The following DLGAP2 variants were observed in gnomAD, a reference collection of about 807,000 sequenced individuals.
The protein encoded by DLGAP2 is disks large-associated protein 2.
Under a neutral mutation model 100.3 loss-of-function variants are expected in DLGAP2, and 26 were observed. The ratio of observed to expected loss-of-function variants is 0.26; its 90% CI spans 0.19 to 0.36. DLGAP2 has a LOEUF of 0.36. Among genes scored for constraint, DLGAP2 ranks in the 10% least tolerant of loss-of-function variants. DLGAP2 has a pLI of 1.00. For missense variants in DLGAP2, 1,858 were observed against 1,453.2 expected (o/e 1.28, Z -4.53); for synonymous variants, 886 against 630.1 (o/e 1.41, Z -6.08).
Position 1,326,254 on chromosome 8 carries a change from G to C in DLGAP2, c.106+67371G>C, listed in dbSNP as rs78774396. ...ATAAAAATAAAAGGGCATTTAACTTGTATGCAGAATCAGTGAAATTAGACA... is the reference window on the plus strand; with the variant it reads ...ATAAAAATAAAAGGGCATTTAACTTCTATGCAGAATCAGTGAAATTAGACA... On this transcript the variant is annotated intron_variant, in intron 3 of 14. Transcript: ENST00000637795. 6.8e-3 allele frequency among the ~76,000 whole-genome samples: 1,028 copies of C among 152,288 alleles called. 6 individuals carry two copies. The highest frequency in any genetic ancestry group is 0.011 in the Non-Finnish European group (735 of 68,018).
At chr8:1,427,872 C>G (rs1410637925) in intron 3 of DLGAP2, among the ~76,000 whole-genome samples, 1 of 152,160 alleles carries the variant, frequency 6.6e-6, no homozygotes, top group Non-Finnish European at 1.5e-5. Context: ...TTGACCAATA[C>G]AGTACTCTTC....
chr8:887,102 G>T (rs1356162045), intron 1 of DLGAP2, among the ~76,000 whole-genome samples: 1 of 152,082 alleles, frequency 6.6e-6, no homozygotes, highest in African/African-American at 2.4e-5. Flanking sequence ...TTGTCGAATT[G>T]ATCCCTTTAC....
chr8:1,620,307 C>T (rs1797290087), intron 6 of DLGAP2: 2 of 152,206 alleles, frequency 1.3e-5, no homozygotes, highest in Admixed American at 1.3e-4. Context: ...CTCGGGTGCC[C>T]AGGAGCGTCC....
intron 1 of DLGAP2, among the ~76,000 whole-genome samples, chr8:902,033 A>C (rs1052454876): frequency 2.0e-5 from 3 of 152,164 alleles, no homozygotes; most frequent in African/African-American, 7.2e-5. Context: ...GGGGGGTTCC[A>C]AGCCATGGTC....
chr8:1,676,385 T>G, intron 10 of DLGAP2, 148 bp from the exon 11 acceptor site: 1 of 739,760 alleles, frequency 1.4e-6, no homozygotes, highest in South Asian at 1.7e-5. Flanking sequence ...TGCATTTCCC[T>G]CTCTGCGGTT....
chr8:1,344,638 G>C (rs1171151097), intron 3 of DLGAP2, among the ~76,000 whole-genome samples: 1 of 152,158 alleles, frequency 6.6e-6, no homozygotes, highest in Non-Finnish European at 1.5e-5. Flanking sequence ...TGGTCTATCT[G>C]CTACATCCTA....
chr8:828,794 G>T (rs1205459958), intron 1 of DLGAP2, among the ~76,000 whole-genome samples: 1 of 152,190 alleles, frequency 6.6e-6, no homozygotes, highest in Non-Finnish European at 1.5e-5. Flanking sequence ...GGGAACTAAT[G>T]AATGTCCATA....
chr8:1,140,391 A>G (rs1241198407), intron 2 of DLGAP2, among the ~76,000 whole-genome samples: 1 of 152,054 alleles, frequency 6.6e-6, no homozygotes, highest in Non-Finnish European at 1.5e-5. Context: ...AGTCTCCTCC[A>G]TGCCTCATGC....
At position 1,678,464 on chromosome 8, in the gene DLGAP2, C is replaced by A. The variant is rs1387305648; in HGVS notation, c.2539C>A (p.Pro847Thr). The A allele has an allele frequency of 6.2e-7, 1 of 1,613,400 alleles. No homozygotes were observed. The highest frequency in any genetic ancestry group is 1.3e-5 in the African/African-American group (1 of 75,016). ...CACCTCCACCCTGCCCCCTCCAGAC[C>A]CCTGGCTGGAGCCCGCCATCGACAC... ...VDTSTLPPPD[P>T]WLEPAIDTVE... is the part of the protein sequence containing the mutation. Residue 847 changes from proline to threonine, a missense_variant, in exon 12 of 15, where the codon CCC becomes ACC. Coordinates refer to ENST00000637795, the MANE Select transcript of DLGAP2 (RefSeq NM_001346810.2).
chr8:1,310,005 G>T (rs1033011580), intron 3 of DLGAP2, among the ~76,000 whole-genome samples: 1 of 139,680 alleles, frequency 7.2e-6, no homozygotes, highest in East Asian at 2.1e-4. Context: ...TGAGGCAGGA[G>T]AATCATTTGA....
Position 1,626,663 on chromosome 8 carries a change from G to A in DLGAP2, c.1443-77G>A, listed in dbSNP as rs1414782035. 8.6e-5 allele frequency: 131 copies of A among 1,531,044 alleles called. 1 individual carries two copies. The highest frequency in any genetic ancestry group is 1.1e-4 in the Non-Finnish European group (130 of 1,132,700). 94.8% of individuals were successfully genotyped at this position (1,531,044 alleles called of 1,614,324 possible). ...GGTGGGTGCTCAGCCTCTGGGTGTG[G>A]GTTGGATGGTCATTCCCACCTCTGC... On this transcript the variant is annotated intron_variant, in intron 6 of 14. Transcript: ENST00000637795.
chr8:1,391,241 C>T lies in DLGAP2; in HGVS notation c.107-110125C>T, dbSNP rs17754787. On this transcript the variant is annotated intron_variant, in intron 3 of 14. Coordinates refer to ENST00000637795, the MANE Select transcript of DLGAP2 (RefSeq NM_001346810.2). ...ATGTTGAATCCAAGGCTAGACATTA[C>T]GAGCTTCCAAACTAGGCAATGGGGC... Among the ~76,000 whole-genome samples, 1,099 of 152,274 alleles carry T rather than the reference C, an allele frequency of 7.2e-3. 30 individuals are homozygous for T. Among genetic ancestry groups the T allele is most frequent in the East Asian group, 0.059 (304 of 5,176 alleles).
intron 3 of DLGAP2, among the ~76,000 whole-genome samples, chr8:1,299,751 A>G (rs1273956505): frequency 6.6e-6 from 1 of 152,176 alleles, no homozygotes; most frequent in African/African-American, 2.4e-5. Flanking sequence ...ATTATCATCT[A>G]CAATCCCCCC....
Position 1,684,853 on chromosome 8 carries a change from A to T in DLGAP2, c.2704+6224A>T, listed in dbSNP as rs1457189556. 2.0e-5 allele frequency among the ~76,000 whole-genome samples: 3 copies of T among 152,112 alleles called. No homozygotes were observed. In the East Asian group the frequency reaches 5.8e-4, roughly 29 times the overall value. On this transcript the variant is annotated intron_variant, in intron 12 of 14. Transcript: ENST00000637795. ...TATTGAATAATTCCATTGAGATGCA[A>T]CTCTCATCAAGAACTCACCAAGGGA...
At chr8:1,545,077 A>G (rs532260751) in intron 4 of DLGAP2, among the ~76,000 whole-genome samples, 7 of 152,230 alleles carry the variant, frequency 4.6e-5, no homozygotes, top group African/African-American at 1.2e-4. Context: ...ATATTAATCT[A>G]TAGTTTTCTT....
intron 8 of DLGAP2, among the ~76,000 whole-genome samples, chr8:1,662,440 G>C (rs999958649): frequency 1.1e-4 from 17 of 152,166 alleles, no homozygotes; most frequent in African/African-American, 3.9e-4. Flanking sequence ...GAATTTTGCA[G>C]TGGGCAAGGA....
rs192310458 is a variant in DLGAP2 at position 1,225,012 on chromosome 8, G to A, written c.74-33839G>A. On this transcript the variant is annotated intron_variant, in intron 2 of 14. Coordinates refer to ENST00000637795, the MANE Select transcript of DLGAP2 (RefSeq NM_001346810.2). ...GCTGTTGGAAATGTAAAGTTATTTA[G>A]CCATTGTGGAAAAGAGTTTAAGTTT... 6.6e-5 allele frequency among the ~76,000 whole-genome samples: 10 copies of A among 152,328 alleles called. 1 individual carries two copies. Among genetic ancestry groups the A allele is most frequent in the Admixed American group, 6.5e-4 (10 of 15,302 alleles).
At chr8:983,201 A>T (rs1004466105) in intron 2 of DLGAP2, among the ~76,000 whole-genome samples, 12 of 152,232 alleles carry the variant, frequency 7.9e-5, no homozygotes, top group Admixed American at 2.6e-4. Flanking sequence ...ATGCCCTTAG[A>T]ATCCACGTGT....
At chr8:1,166,911 C>G (rs1398538301) in intron 2 of DLGAP2, among the ~76,000 whole-genome samples, 2 of 152,096 alleles carry the variant, frequency 1.3e-5, no homozygotes, top group Admixed American at 6.5e-5. Flanking sequence ...GTTTGGGAGG[C>G]CAAGGTGAGA....
Sources: allele counts gnomAD v4.1 joint callset (sites outside exome capture counted in the v4.1 genomes callset), GRCh38; gene constraint gnomAD v4.1.1; transcripts MANE v1.5; gene names NCBI Gene and HGNC (gene_info 2026-07-23, HGNC 2026-07-21).